The following COL11A1 variants were observed in gnomAD, a reference collection of about 807,000 sequenced individuals.
COL11A1 encodes collagen alpha-1(XI) chain.
Under a neutral mutation model 265.2 loss-of-function variants are expected in COL11A1, and 74 were observed. That is an observed-to-expected ratio of 0.28 (90% CI 0.23 to 0.34). The LOEUF (loss-of-function observed/expected upper bound fraction) is 0.34. Among genes scored for constraint, COL11A1 ranks in the 10% least tolerant of loss-of-function variants. COL11A1 has a pLI of 1.00. For missense variants in COL11A1, 2,165 were observed against 2,263.6 expected (o/e 0.96, Z 0.88); for synonymous variants, 816 against 727.6 (o/e 1.12, Z -1.96).
At chr1:102,917,345 A>T (rs1655457471) in intron 49 of COL11A1, among the ~76,000 whole-genome samples, 1 of 152,012 alleles carries the variant, frequency 6.6e-6, no homozygotes, top group African/African-American at 2.4e-5. Flanking sequence ...CTCAAGAAGG[A>T]TTCAAGAATT....
Position 103,031,263 on chromosome 1 carries a change from C to T in COL11A1, c.652-19G>A. On this transcript the variant is annotated intron_variant, in intron 4 of 66. Transcript: ENST00000370096. ...TGTCCCCCTGGGAAAAAAAAAAAAACAAAAACAAACAGACACAGATTCAGT... is the reference window on the plus strand; with the variant it reads ...TGTCCCCCTGGGAAAAAAAAAAAAATAAAAACAAACAGACACAGATTCAGT... The T allele has an allele frequency of 6.5e-7, 1 of 1,534,540 alleles. No individual in the cohort carries two copies. The highest frequency in any genetic ancestry group is 8.8e-7 in the Non-Finnish European group (1 of 1,135,834).
At chr1:102,980,736 A>C (rs2101691739) in intron 31 of COL11A1, among the ~76,000 whole-genome samples, 1 of 152,190 alleles carries the variant, frequency 6.6e-6, no homozygotes, top group Middle Eastern at 3.4e-3. Context: ...TCTGTATCAG[A>C]ATAATCTAGA....
In COL11A1 at chr1:103,025,517, T is replaced by A. The variant is rs749821952; in HGVS notation, c.990+4A>T. ...TGTGATTTAATACTGTCTATACGTA[T>A]TACCTCATTTGTCCCAGAAACATGC... On this transcript the variant is annotated splice_donor_region_variant and intron_variant, in intron 7 of 66. Transcript: ENST00000370096. The A allele has an allele frequency of 1.3e-6, 2 of 1,595,920 alleles. No homozygotes were observed. Among genetic ancestry groups the A allele is most frequent in the Non-Finnish European group, 1.7e-6 (2 of 1,163,836 alleles).
chr1:103,055,098 T>A (rs954397115), intron 4 of COL11A1, among the ~76,000 whole-genome samples: 15 of 152,102 alleles, frequency 9.9e-5, no homozygotes, highest in Non-Finnish European at 1.8e-4. Context: ...GCTGGTTAAT[T>A]TCCAAAACCA....
intron 25 of COL11A1, among the ~76,000 whole-genome samples, chr1:102,997,735 A>G (rs879504304): frequency 5.6e-4 from 85 of 152,120 alleles, no homozygotes; most frequent in African/African-American, 2.0e-3. Flanking sequence ...CAAATGTTTT[A>G]ATATAATAAC....
intron 41 of COL11A1, among the ~76,000 whole-genome samples, chr1:102,949,274 T>C (rs374197786): frequency 1.4e-4 from 21 of 150,502 alleles, no homozygotes; most frequent in East Asian, 9.7e-4. Context: ...TGTTTAGTAT[T>C]TCACTTCTAA....
chr1:102,893,669 C>T (rs1191290528), intron 57 of COL11A1, among the ~76,000 whole-genome samples: 1 of 152,086 alleles, frequency 6.6e-6, no homozygotes, highest in Non-Finnish European at 1.5e-5. Flanking sequence ...TTTTCCCCTG[C>T]AGTATTATAC....
intron 7 of COL11A1, 100 bp downstream of exon 7, chr1:103,025,421 A>G: frequency 1.2e-6 from 1 of 847,028 alleles, no homozygotes; most frequent in Non-Finnish European, 2.0e-6. Flanking sequence ...AAAACATCAG[A>G]TGTTTGAGAA....
At chr1:102,920,851 A>G (rs1342856081) in intron 48 of COL11A1, among the ~76,000 whole-genome samples, 1 of 152,200 alleles carries the variant, frequency 6.6e-6, no homozygotes, top group African/African-American at 2.4e-5. Context: ...GCCTGCCAGA[A>G]TTAAAGCAGA....
intron 28 of COL11A1, among the ~76,000 whole-genome samples, chr1:102,992,040 C>T (rs1276846476): frequency 6.6e-6 from 1 of 152,022 alleles, no homozygotes; most frequent in Non-Finnish European, 1.5e-5. Context: ...GAACACTGCA[C>T]TCTATGTCTA....
At chr1:103,093,367 A>T (rs1673478724) in intron 1 of COL11A1, among the ~76,000 whole-genome samples, 1 of 152,148 alleles carries the variant, frequency 6.6e-6, no homozygotes, top group Non-Finnish European at 1.5e-5. Context: ...ATACCATTAG[A>T]AAAACCACTG....
At chr1:103,047,286 G>C (rs1171533560) in intron 4 of COL11A1, among the ~76,000 whole-genome samples, 1 of 152,094 alleles carries the variant, frequency 6.6e-6, no homozygotes, top group Non-Finnish European at 1.5e-5. Context: ...ATTTCATTGA[G>C]CAGTGGTTTG....
At chr1:102,895,533 A>G (rs1410808041) in intron 57 of COL11A1, among the ~76,000 whole-genome samples, 1 of 152,148 alleles carries the variant, frequency 6.6e-6, no homozygotes, top group Non-Finnish European at 1.5e-5. Context: ...AAGCCTGTGT[A>G]GATTTGGATA....
Position 102,928,534 on chromosome 1 carries a change from T to C in COL11A1, c.3601-5145A>G, listed in dbSNP as rs550564524. On this transcript the variant is annotated intron_variant, in intron 46 of 66. Transcript: ENST00000370096. Reference sequence around the variant, plus strand: ...ATTTGGGTTGGTTCCAAGTCTTTGCTGTTGTCAATAGTGCTACAATAAACA... The same window carrying C: ...ATTTGGGTTGGTTCCAAGTCTTTGCCGTTGTCAATAGTGCTACAATAAACA... 2.6e-5 allele frequency among the ~76,000 whole-genome samples: 4 copies of C among 152,338 alleles called. No homozygotes were observed. In the East Asian group the frequency reaches 7.7e-4, roughly 29 times the overall value.
intron 54 of COL11A1, among the ~76,000 whole-genome samples, chr1:102,908,933 G>A (rs995832244): frequency 6.6e-6 from 1 of 151,852 alleles, no homozygotes; most frequent in African/African-American, 2.4e-5. Context: ...TTTTCTAATT[G>A]TATTTGACAT....
At chr1:102,945,057 T>C (rs1402602764) in intron 42 of COL11A1, among the ~76,000 whole-genome samples, 8 of 152,136 alleles carry the variant, frequency 5.3e-5, no homozygotes, top group Non-Finnish European at 8.8e-5. Context: ...AGAAAACATT[T>C]TTTTTTTATT....
At chr1:103,008,765 C>A (rs181082073) in intron 14 of COL11A1, among the ~76,000 whole-genome samples, 44 of 152,254 alleles carry the variant, frequency 2.9e-4, no homozygotes, top group African/African-American at 1.1e-3. Context: ...CAGAAGCTAA[C>A]CTCATGAAAT....
intron 4 of COL11A1, among the ~76,000 whole-genome samples, chr1:103,045,691 G>C (rs1356014325): frequency 6.6e-6 from 1 of 151,944 alleles, no homozygotes; most frequent in Non-Finnish European, 1.5e-5. Flanking sequence ...GTATGTAGAC[G>C]TGTGCCATAT....
At chr1:102,890,554 A>G in intron 57 of COL11A1, 50 bp from the exon 58 acceptor site, 4 of 1,481,880 alleles carry the variant, frequency 2.7e-6, no homozygotes, top group Non-Finnish European at 3.7e-6. Context: ...AGTAGGTATG[A>G]ATTAGAGAAT....
Sources: allele counts gnomAD v4.1 joint callset (sites outside exome capture counted in the v4.1 genomes callset), GRCh38; gene constraint gnomAD v4.1.1; transcripts MANE v1.5; gene names NCBI Gene and HGNC (gene_info 2026-07-23, HGNC 2026-07-21).